The following CLVS2 variants were observed in gnomAD, a reference collection of about 807,000 sequenced individuals.
The protein encoded by CLVS2 is clavesin-2.
Under a neutral mutation model 29.0 loss-of-function variants are expected in CLVS2, and 19 were observed. The observed-to-expected ratio is 0.66, with a 90% CI of 0.46 to 0.96. CLVS2 has a LOEUF of 0.96. CLVS2 is among the 40% of genes least tolerant of loss of function. The pLI, the probability that CLVS2 is intolerant of heterozygous loss-of-function variation, is 0.00. For synonymous variants in CLVS2, 161 were observed against 151.3 expected, an observed-to-expected ratio of 1.06 and a Z score of -0.47; for missense variants, 294 against 404.1, an observed-to-expected ratio of 0.73 and a Z score of 2.34.
chr6:123,027,817 A>C (rs1010691386), intron 3 of CLVS2, among the ~76,000 whole-genome samples: 3 of 152,114 alleles, frequency 2.0e-5, no homozygotes, highest in Non-Finnish European at 4.4e-5. Flanking sequence ...AAATTAAATA[A>C]GTTGTTATGC....
At chr6:123,025,053 T>C (rs1024053679) in intron 3 of CLVS2, among the ~76,000 whole-genome samples, 2 of 152,116 alleles carry the variant, frequency 1.3e-5, no homozygotes, top group Non-Finnish European at 2.9e-5. Flanking sequence ...TAGATCCCCA[T>C]GAAGAAAGAC....
chr6:123,020,059 A>C (rs1164321447), intron 3 of CLVS2, among the ~76,000 whole-genome samples: 9 of 152,054 alleles, frequency 5.9e-5, no homozygotes, highest in Non-Finnish European at 1.3e-4. Context: ...TATCCATTCA[A>C]ATGTTAACCC....
intron 3 of CLVS2, among the ~76,000 whole-genome samples, chr6:123,034,277 A>G (rs188928367): frequency 5.9e-5 from 9 of 152,162 alleles, no homozygotes; most frequent in Non-Finnish European, 1.3e-4. Context: ...TAGTGGCTTC[A>G]TTCATAATAG....
rs761566004 is a variant in CLVS2 at position 123,048,779 on chromosome 6, G to A, written c.675+47G>A. On this transcript the variant is annotated intron_variant, in intron 4 of 5. Coordinates refer to ENST00000275162, the MANE Select transcript of CLVS2 (RefSeq NM_001010852.4). Reference sequence around the variant, plus strand: ...AATCCTTTCTCTTCCGCCATCCAATGAATTATAATGCATAATGTGTATATA... The same window carrying A: ...AATCCTTTCTCTTCCGCCATCCAATAAATTATAATGCATAATGTGTATATA... 8.1e-6 allele frequency: 9 copies of A among 1,109,874 alleles called. No homozygotes were observed. The African/African-American group carries it at 1.1e-4, about 13-fold the overall frequency. The allele number at this position is 1,109,874 out of a possible 1,614,324, so 68.8% of individuals were successfully genotyped here.
chr6:122,997,683 G>T lies in CLVS2; in HGVS notation c.-95G>T. On this transcript the variant is annotated 5_prime_UTR_variant, in exon 2 of 6. Transcript: ENST00000275162. Reference sequence around the variant, plus strand: ...GGGGAGAGGAAGCAGGCAGCAGGAGGTCTGGGGGCTGGAGTCTGGTGGTGG... The same window carrying T: ...GGGGAGAGGAAGCAGGCAGCAGGAGTTCTGGGGGCTGGAGTCTGGTGGTGG... The T allele has an allele frequency of 4.0e-6, 5 of 1,236,084 alleles. No individual in the cohort carries two copies. The highest frequency in any genetic ancestry group is 5.8e-6 in the Non-Finnish European group (5 of 868,174). 76.6% of individuals were successfully genotyped at this position (1,236,084 alleles called of 1,614,324 possible).
intron 2 of CLVS2, among the ~76,000 whole-genome samples, chr6:123,008,076 C>G (rs1372019382): frequency 1.3e-5 from 2 of 152,094 alleles, no homozygotes; most frequent in African/African-American, 2.4e-5. Context: ...TGAGGAATAG[C>G]CTGCTGAGCT....
At chr6:123,008,685 C>CT (rs5879659) in intron 2 of CLVS2, among the ~76,000 whole-genome samples, 107,442 of 147,810 alleles carry the variant, frequency 0.73, 39,189 homozygotes, top group East Asian at 0.91. Flanking sequence ...GAAATTAAAA[C>CT]TTTTTTTTTT....
chr6:123,064,046 G>C lies in CLVS2; in HGVS notation c.*285G>C. 7.6e-6 allele frequency: 2 copies of C among 263,616 alleles called. No individual in the cohort carries two copies. Among genetic ancestry groups the C allele is most frequent in the Non-Finnish European group, 1.4e-5 (2 of 138,570 alleles). 16.3% of individuals were successfully genotyped at this position (263,616 alleles called of 1,614,324 possible). A position where few individuals can be genotyped will look rare whatever the true frequency, so the allele number is the denominator to read the frequency against. ...CAGTAGTAACTCAGTTTGGAAAAAG[G>C]TTGGCTCAAAAGTCCATGCCAGTGT... On this transcript the variant is annotated 3_prime_UTR_variant, in exon 6 of 6. Transcript: ENST00000275162.
intron 4 of CLVS2, among the ~76,000 whole-genome samples, chr6:123,052,308 G>T (rs1772622881): frequency 6.6e-6 from 1 of 152,142 alleles, no homozygotes; most frequent in African/African-American, 2.4e-5. Flanking sequence ...AGGACATTTG[G>T]GAGTAGAAAT....
intron 4 of CLVS2, among the ~76,000 whole-genome samples, chr6:123,054,820 C>T (rs1427129073): frequency 6.7e-6 from 1 of 149,008 alleles, no homozygotes; most frequent in African/African-American, 2.5e-5. Flanking sequence ...GAATATGCCT[C>T]AAGTTTTTTT....
At chr6:123,005,761 A>G (rs1215151069) in intron 2 of CLVS2, among the ~76,000 whole-genome samples, 1 of 152,166 alleles carries the variant, frequency 6.6e-6, no homozygotes, top group Non-Finnish European at 1.5e-5. Flanking sequence ...CCACCCCTCC[A>G]CAGTGTGGCA....
At chr6:123,050,401 T>A (rs762023627) in intron 4 of CLVS2, among the ~76,000 whole-genome samples, 1 of 152,176 alleles carries the variant, frequency 6.6e-6, no homozygotes, top group Non-Finnish European at 1.5e-5. Flanking sequence ...GACACCACTT[T>A]GGAGTATATA....
At chr6:123,020,511 A>G (rs186550044) in intron 3 of CLVS2, among the ~76,000 whole-genome samples, 34 of 152,204 alleles carry the variant, frequency 2.2e-4, no homozygotes, top group Non-Finnish European at 4.4e-4. Flanking sequence ...CCTAACAAGA[A>G]ACTTTCAGAA....
At chr6:123,038,071 G>T (rs898595828) in intron 3 of CLVS2, among the ~76,000 whole-genome samples, 1 of 152,092 alleles carries the variant, frequency 6.6e-6, no homozygotes, top group African/African-American at 2.4e-5. Flanking sequence ...AAACAGTTTT[G>T]ACAACTGGAT....
intron 5 of CLVS2, among the ~76,000 whole-genome samples, chr6:123,060,645 A>T (rs1772762258): frequency 6.6e-6 from 1 of 152,228 alleles, no homozygotes; most frequent in Admixed American, 6.5e-5. Flanking sequence ...ATATCTGTAC[A>T]TAGGCAATAG....
At chr6:123,046,843 C>T (rs369102013) in intron 3 of CLVS2, among the ~76,000 whole-genome samples, 5 of 152,136 alleles carry the variant, frequency 3.3e-5, no homozygotes, top group South Asian at 2.1e-4. Context: ...TTTCCATGTG[C>T]GTTGCTGAAC....
At chr6:123,011,590 T>C (rs975447197) in intron 3 of CLVS2, among the ~76,000 whole-genome samples, 3 of 151,994 alleles carry the variant, frequency 2.0e-5, no homozygotes, top group Admixed American at 1.3e-4. Context: ...TCAATATGTT[T>C]TTTGGTCTCT....
chr6:123,028,706 G>A (rs1314978371), intron 3 of CLVS2, among the ~76,000 whole-genome samples: 4 of 152,130 alleles, frequency 2.6e-5, no homozygotes, highest in East Asian at 1.9e-4. Flanking sequence ...AAAGACAGGC[G>A]CCTGTTTCTT....
chr6:122,998,058 C>T lies in CLVS2; in HGVS notation c.281C>T (p.Pro94Leu). The change falls in exon 2 of 6, where the codon CCT (proline) becomes CTT (leucine). Residue 94 changes from proline (P) to leucine (L), a missense_variant. Transcript: ENST00000275162. ...TTCAAAAGCTTTAAGGCCACCGACC[C>T]TGGCATCAAGCAGGCACTGAAGGAT... ...DMFKSFKATD[P>L]GIKQALKDGF... 1.9e-6 allele frequency: 3 copies of T among 1,614,178 alleles called. No homozygotes were observed. The highest frequency in any genetic ancestry group is 2.5e-6 in the Non-Finnish European group (3 of 1,180,026).
Sources: allele counts gnomAD v4.1 joint callset (sites outside exome capture counted in the v4.1 genomes callset), GRCh38; gene constraint gnomAD v4.1.1; transcripts MANE v1.5; gene names NCBI Gene and HGNC (gene_info 2026-07-23, HGNC 2026-07-21).